Variants in TNNT3 observed in about 807,000 individuals in gnomAD.
TNNT3 encodes troponin T3, fast skeletal type.
In TNNT3, 36 loss-of-function variants were observed where a neutral mutation model predicts 54.2. The observed-to-expected ratio is 0.66, with a 90% CI of 0.51 to 0.88. The LOEUF (loss-of-function observed/expected upper bound fraction) is 0.88. Among genes scored for constraint, TNNT3 ranks in the 40% least tolerant of loss-of-function variants. The pLI is 0.00. For missense variants in TNNT3, 291 were observed against 331.6 expected (o/e 0.88, Z 0.95); for synonymous variants, 120 against 109.7 (o/e 1.09, Z -0.59).
rs566691300 is a variant in TNNT3, at chr11:1,937,628, C to T, written c.722+625C>T. Among the ~76,000 whole-genome samples, 16 of 152,318 alleles carry T rather than the reference C, an allele frequency of 1.1e-4. No individual in the cohort carries two copies. In the South Asian group the frequency reaches 3.3e-3, roughly 32 times the overall value. On this transcript the variant is annotated intron_variant, in intron 15 of 15. Transcript: ENST00000278317. ...TGGAGCCCAGCTGCACAGCCAGTGC[C>T]ATTTCCCCAAGGATCGCAGTGTTTG...
intron 1 of TNNT3, 30 bp from the exon 2 acceptor site, chr11:1,922,827 C>A: frequency 1.2e-6 from 2 of 1,601,550 alleles, no homozygotes; most frequent in Non-Finnish European, 8.5e-7. Flanking sequence ...CATCCTCTCT[C>A]TCTCTCTCTC....
chr11:1,936,496 CCA>C (rs1855094894), intron 14 of TNNT3, among the ~76,000 whole-genome samples: 1 of 152,196 alleles, frequency 6.6e-6, no homozygotes, highest in African/African-American at 2.4e-5. Flanking sequence ...CCAGCAGCGG[CCA>C]CAGAGTGCCC....
chr11:1,925,352 G>C, intron 5 of TNNT3: 2 of 1,512,118 alleles, frequency 1.3e-6, no homozygotes, highest in Non-Finnish European at 1.8e-6. Context: ...GTGGGGGAGA[G>C]GGGGAGAGGG....
At chr11:1,920,977 G>A (rs1849972100) in intron 1 of TNNT3, among the ~76,000 whole-genome samples, 2 of 152,210 alleles carry the variant, frequency 1.3e-5, no homozygotes, top group Admixed American at 1.3e-4. Flanking sequence ...GGCCTTTCCA[G>A]CGCACGTCGG....
chr11:1,931,694 CT>C (rs370398561), intron 8 of TNNT3, among the ~76,000 whole-genome samples: 24 of 112,212 alleles, frequency 2.1e-4, no homozygotes, highest in Admixed American at 2.6e-4. Context: ...TTTTTTTAGT[CT>C]TTTTTTTTTG....
chr11:1,924,834 GA>G, intron 4 of TNNT3: 1 of 602,112 alleles, frequency 1.7e-6, no homozygotes, highest in South Asian at 2.0e-5. Flanking sequence ...AGGAGGGTGG[GA>G]GGGGCCTCAG....
chr11:1,933,945 A>G lies in TNNT3; in HGVS notation c.303A>G (p.Ala101=). 4.3e-6 allele frequency: 7 copies of G among 1,612,804 alleles called. No homozygotes were observed. The highest frequency in any genetic ancestry group is 5.9e-6 in the Non-Finnish European group (7 of 1,179,992). ...TCTGGCTGCAGGAGAAGCGCCGTGC[A>G]GAGAGAGCGGAGCAGCAGAGGATTC... ...ALKERIEKRR[A]ERAEQQRIRA... is the part of the protein sequence containing the mutation. The change falls in exon 11 of 16, where the codon GCA becomes GCG. Residue 101 remains alanine (A), a synonymous_variant. Transcript: ENST00000278317.
chr11:1,929,935 G>A, intron 8 of TNNT3, 107 bp downstream of exon 8: 1 of 1,442,570 alleles, frequency 6.9e-7, no homozygotes. Flanking sequence ...GTTCTGGGGT[G>A]GCGGTGGCCA....
At chr11:1,938,253 G>A in intron 15 of TNNT3, 185 bp from the exon 16 acceptor site, 1 of 686,338 alleles carries the variant, frequency 1.5e-6, no homozygotes. Flanking sequence ...TAACGACCTA[G>A]GCCCGCCAGG....
intron 1 of TNNT3, among the ~76,000 whole-genome samples, chr11:1,921,942 C>T (rs1325244152): frequency 6.6e-6 from 1 of 152,214 alleles, no homozygotes; most frequent in Non-Finnish European, 1.5e-5. Context: ...GGCGCCACCA[C>T]CGCACATGGA....
chr11:1,926,753 C>T lies in TNNT3; in HGVS notation c.82+44C>T, dbSNP rs780234133. On this transcript the variant is annotated intron_variant, in intron 6 of 15. Transcript: ENST00000278317. ...GCCTCCAGGCCAGAGTCTCCGTCCTCCCTTCTGTCCTCTCTTGCTTCCTCC... is the reference window on the plus strand; with the variant it reads ...GCCTCCAGGCCAGAGTCTCCGTCCTTCCTTCTGTCCTCTCTTGCTTCCTCC... 6.2e-6 allele frequency: 10 copies of T among 1,612,282 alleles called. No individual in the cohort carries two copies. In the South Asian group the frequency reaches 8.8e-5, roughly 14 times the overall value.
At chr11:1,935,484 C>T (rs1404840402) in intron 14 of TNNT3, 2 of 183,296 alleles carry the variant, frequency 1.1e-5, no homozygotes, top group Admixed American at 5.3e-5. Flanking sequence ...GCCACCATCC[C>T]ATGCAGGCAC....
chr11:1,932,495 G>A lies in TNNT3; in HGVS notation c.152G>A (p.Gly51Glu). Reference sequence around the variant, plus strand: ...CTCACTGCTCCTAAGATCCCAGAAGGGGAGAAAGTGGACTTCGATGTAAGT... The same window carrying A: ...CTCACTGCTCCTAAGATCCCAGAAGAGGAGAAAGTGGACTTCGATGTAAGT... ...PKLTAPKIPEGEKVDFDDIQK... is the reference protein window; with the variant it reads ...PKLTAPKIPEEEKVDFDDIQK... The change falls in exon 9 of 16, where the codon GGG becomes GAG. Residue 51 changes from glycine (G) to glutamate (E), a missense_variant. Physicochemically the swap from Gly to Glu is moderately conservative, Grantham distance 98. Coordinates refer to ENST00000278317, the MANE Select transcript of TNNT3 (RefSeq NM_006757.4). 1 of 1,613,874 alleles carries A rather than the reference G, an allele frequency of 6.2e-7. No homozygotes were observed. Among genetic ancestry groups the A allele is most frequent in the Non-Finnish European group, 8.5e-7 (1 of 1,179,972 alleles).
At chr11:1,929,082 CTCTTGCATGTG>C (rs1852494207) in intron 6 of TNNT3, 27 bp from the exon 7 acceptor site, 1 of 1,612,852 alleles carries the variant, frequency 6.2e-7, no homozygotes, top group African/African-American at 1.3e-5. Context: ...ACTGGCTTTT[CTCTTGCATGTG>C]TGCTTGTGCC....
At position 1,925,422 on chromosome 11, in the gene TNNT3, C is replaced by A. The variant is rs1333533617; in HGVS notation, c.67+306C>A. 1.3e-5 allele frequency: 11 copies of A among 858,656 alleles called. No homozygotes were observed. The South Asian group carries it at 1.5e-4, about 11-fold the overall frequency. 53.2% of individuals were successfully genotyped at this position (858,656 alleles called of 1,614,324 possible). A position where few individuals can be genotyped will look rare whatever the true frequency, so the allele number is the denominator to read the frequency against. On this transcript the variant is annotated intron_variant, in intron 5 of 15. Coordinates refer to ENST00000278317, the MANE Select transcript of TNNT3 (RefSeq NM_006757.4). ...CCCCCACATGTGGCCCTAATGTAACCCACTAACCGCGGCCAATGCTTGACC... is the reference window on the plus strand; with the variant it reads ...CCCCCACATGTGGCCCTAATGTAACACACTAACCGCGGCCAATGCTTGACC...
intron 8 of TNNT3, among the ~76,000 whole-genome samples, chr11:1,931,795 C>A (rs1014677465): frequency 4.0e-5 from 6 of 150,150 alleles, no homozygotes; most frequent in South Asian, 2.1e-4. Flanking sequence ...CTTAGAGGCA[C>A]CTTCTGGTGC....
At chr11:1,937,075 C>A in intron 15 of TNNT3, 72 bp downstream of exon 15, 1 of 1,492,518 alleles carries the variant, frequency 6.7e-7, no homozygotes, top group Non-Finnish European at 9.1e-7. Flanking sequence ...TAGCCAGTCC[C>A]TAACAAGGGC....
Position 1,929,497 on chromosome 11 carries a change from C to T in TNNT3, c.107-313C>T, listed in dbSNP as rs994043656. Among the ~76,000 whole-genome samples, 5 of 152,212 alleles carry T rather than the reference C, an allele frequency of 3.3e-5. No homozygotes were observed. In the South Asian group the frequency reaches 6.2e-4, roughly 19 times the overall value. On this transcript the variant is annotated intron_variant, in intron 7 of 15. Transcript: ENST00000278317. ...TCCCGAGCCCCTGTCCTCTTTGCTC[C>T]GTCTCCTCCCTTCCCAGCCTTCAAG...
intron 8 of TNNT3, 95 bp from the exon 9 acceptor site, chr11:1,932,374 C>T: frequency 8.2e-7 from 1 of 1,214,572 alleles, no homozygotes; most frequent in Admixed American, 1.7e-5. Context: ...AGGAGGGCAC[C>T]AGGGTTGGCA....
Sources: gnomAD v4.1 joint callset for allele counts (sites outside exome capture counted in the v4.1 genomes callset) on GRCh38, gnomAD v4.1.1 for gene constraint, MANE v1.5 for transcripts, NCBI Gene and HGNC (gene_info 2026-07-23, HGNC 2026-07-21) for gene names.